The following DNAH8 variants were observed in gnomAD, a reference collection of about 807,000 sequenced individuals.
DNAH8 encodes dynein axonemal heavy chain 8.
DNAH8 carries 382 observed loss-of-function variants against 562.1 expected under a neutral mutation model. The ratio of observed to expected loss-of-function variants is 0.68; its 90% CI spans 0.63 to 0.74. The LOEUF is 0.74. Among genes scored for constraint, DNAH8 ranks in the 30% least tolerant of loss-of-function variants. The pLI, the probability that DNAH8 is intolerant of heterozygous loss-of-function variation, is 0.00. For synonymous variants in DNAH8, 1,881 were observed against 1,919.4 expected, an observed-to-expected ratio of 0.98 and a Z score of 0.52; for missense variants, 5,203 against 5,620.4, an observed-to-expected ratio of 0.93 and a Z score of 2.37.
chr6:38,778,514 A>T, intron 14 of DNAH8, 50 bp downstream of exon 14: 2 of 1,104,336 alleles, frequency 1.8e-6, no homozygotes, highest in Non-Finnish European at 2.7e-6. Flanking sequence ...ATAACTTTAA[A>T]TCTAAAAATA....
chr6:38,941,628 G>A lies in DNAH8; in HGVS notation c.12007+2640G>A, dbSNP rs1783467701. ...GAGTGTCAAGATGTATGAGGTTTTG[G>A]TCTTGGGGATGCTTAAGTAAAGTAA... On this transcript the variant is annotated intron_variant, in intron 79 of 92. Coordinates refer to ENST00000327475, the MANE Select transcript of DNAH8 (RefSeq NM_001206927.2). Among the ~76,000 whole-genome samples the A allele has an allele frequency of 2.6e-5, 4 of 152,272 alleles. No homozygotes were observed. In the South Asian group the frequency reaches 8.3e-4, roughly 32 times the overall value.
intron 18 of DNAH8, among the ~76,000 whole-genome samples, chr6:38,788,459 T>A (rs942094818): frequency 2.0e-5 from 3 of 152,170 alleles, no homozygotes; most frequent in African/African-American, 7.2e-5. Context: ...CTATTGTTTG[T>A]CATTTTTATG....
Position 39,012,361 on chromosome 6 carries a change from G to T in DNAH8, c.13518G>T (p.Met4506Ile). 6.2e-7 allele frequency: 1 copy of T among 1,612,122 alleles called. No individual in the cohort carries two copies. The highest frequency in any genetic ancestry group is 1.1e-5 in the South Asian group (1 of 90,896). Residue 4506 changes from methionine to isoleucine, a missense_variant, in exon 90 of 93, where the codon ATG (methionine) becomes ATT (isoleucine). By Grantham distance (10) the Met-to-Ile change is conservative. Coordinates refer to ENST00000327475, the MANE Select transcript of DNAH8 (RefSeq NM_001206927.2). ...TGGCCATTGAAGGAACAATCATTATGAGTGAGGTGAGCTGTTATTACATCA... is the reference window on the plus strand; with the variant it reads ...TGGCCATTGAAGGAACAATCATTATTAGTGAGGTGAGCTGTTATTACATCA... Reference protein sequence around the residue: ...LKLAIEGTIIMSENLRDALDN... With the variant: ...LKLAIEGTIIISENLRDALDN...
intron 7 of DNAH8, among the ~76,000 whole-genome samples, chr6:38,741,344 A>G (rs1764500782): frequency 1.3e-5 from 2 of 152,144 alleles, no homozygotes; most frequent in Admixed American, 1.3e-4. Flanking sequence ...TTAAGGCTGC[A>G]GTGCACTGTG....
At chr6:38,833,889 G>C (rs1437851494) in intron 31 of DNAH8, among the ~76,000 whole-genome samples, 2 of 152,102 alleles carry the variant, frequency 1.3e-5, no homozygotes, top group Non-Finnish European at 2.9e-5. Flanking sequence ...TATCATGATT[G>C]ACCATGTTAA....
intron 49 of DNAH8, among the ~76,000 whole-genome samples, chr6:38,872,078 G>A (rs1777511131): frequency 6.6e-6 from 1 of 152,148 alleles, no homozygotes; most frequent in South Asian, 2.1e-4. Context: ...CACTTGCACA[G>A]GAATCCTCAT....
At chr6:38,763,484 A>T in intron 11 of DNAH8, 1 of 262,746 alleles carries the variant, frequency 3.8e-6, no homozygotes, top group South Asian at 4.9e-5. Flanking sequence ...TTGATAATAC[A>T]CATAGCTGTG....
intron 11 of DNAH8, among the ~76,000 whole-genome samples, chr6:38,770,104 A>C (rs1474576244): frequency 3.3e-5 from 5 of 152,210 alleles, no homozygotes; most frequent in Non-Finnish European, 2.9e-5. Flanking sequence ...GCTGATTCTA[A>C]GATGGATGCG....
Position 38,780,008 on chromosome 6 carries a change from C to G in DNAH8, c.2082C>G (p.Asn694Lys). 2 of 1,614,038 alleles carry G rather than the reference C, an allele frequency of 1.2e-6. No individual in the cohort carries two copies. The highest frequency in any genetic ancestry group is 2.2e-5 in the South Asian group (2 of 91,072). Residue 694 changes from asparagine (N) to lysine (K), a missense_variant, in exon 15 of 93, where the codon AAC becomes AAG. Asn to Lys is a moderately conservative substitution (Grantham distance 94, BLOSUM62 0). Coordinates refer to ENST00000327475, the MANE Select transcript of DNAH8 (RefSeq NM_001206927.2). ...TTCCCTGTCTGGGATTAGAAATAAA[C>G]CACACAATAGAGCGTATTCTTCAGT... Reference protein sequence around the residue: ...LNIPCLGLEINHTIERILQYY... With the variant: ...LNIPCLGLEIKHTIERILQYY...
rs143104849 is a variant in DNAH8, at chr6:38,770,304, C to G, written c.1618-109C>G. 9.8e-4 allele frequency: 574 copies of G among 584,386 alleles called. 2 individuals carry two copies. The highest frequency in any genetic ancestry group is 9.3e-3 in the African/African-American group (483 of 52,184). 36.2% of individuals were successfully genotyped at this position (584,386 alleles called of 1,614,324 possible). On this transcript the variant is annotated intron_variant, in intron 11 of 92. Coordinates refer to ENST00000327475, the MANE Select transcript of DNAH8 (RefSeq NM_001206927.2). ...ATGGTATAAATAAAAAAAAACTATA[C>G]AGATTTTCACAGTTTGATCAGTTCT...
intron 91 of DNAH8, among the ~76,000 whole-genome samples, chr6:39,025,325 G>A (rs910385027): frequency 1.3e-5 from 2 of 152,204 alleles, no homozygotes; most frequent in Admixed American, 6.5e-5. Flanking sequence ...TTGTGTCAAT[G>A]TCCAGCCTCC....
Position 38,917,322 on chromosome 6 carries a change from G to C in DNAH8, c.10224G>C (p.Leu3408=). The change falls in exon 69 of 93, where the codon CTG becomes CTC. Residue 3408 remains leucine, a synonymous_variant. Transcript: ENST00000327475. ...HLIMRIMDCV[L]LLFQKKIDPV... is the part of the protein sequence containing the mutation. ...TTATGAGAATCATGGACTGTGTTCT[G>C]TTACTATTTCAAAAGAAAATTGACC... is the stretch of plus-strand genomic sequence containing the variant. 1 of 1,613,592 alleles carries C rather than the reference G, an allele frequency of 6.2e-7. No homozygotes were observed. Among genetic ancestry groups the C allele is most frequent in the South Asian group, 1.1e-5 (1 of 91,044 alleles).
chr6:38,725,975 T>A (rs1028863039), intron 3 of DNAH8, among the ~76,000 whole-genome samples: 9 of 152,230 alleles, frequency 5.9e-5, no homozygotes, highest in African/African-American at 2.2e-4. Flanking sequence ...TTTGGCTACA[T>A]GTCTTTCTAG....
At chr6:38,946,238 A>G (rs1317787041) in intron 80 of DNAH8, among the ~76,000 whole-genome samples, 2 of 152,142 alleles carry the variant, frequency 1.3e-5, no homozygotes, top group Non-Finnish European at 2.9e-5. Flanking sequence ...TCTCTTTTCT[A>G]TGGCTGCTAG....
chr6:39,011,056 C>T (rs917399061), intron 89 of DNAH8, among the ~76,000 whole-genome samples: 1 of 152,066 alleles, frequency 6.6e-6, no homozygotes. Context: ...GTTTGCTCCA[C>T]CCGCATAGGT....
chr6:39,000,143 G>A (rs185655049), intron 88 of DNAH8, among the ~76,000 whole-genome samples: 1 of 152,198 alleles, frequency 6.6e-6, no homozygotes, highest in Admixed American at 6.5e-5. Context: ...CTTACTGTCT[G>A]GCTAACCTGG....
chr6:38,776,086 A>G (rs896346052), intron 13 of DNAH8, 135 bp downstream of exon 13: 4 of 645,556 alleles, frequency 6.2e-6, no homozygotes, highest in Non-Finnish European at 8.1e-6. Context: ...ACATTGACCA[A>G]ACATATTTGC....
intron 88 of DNAH8, among the ~76,000 whole-genome samples, chr6:39,005,428 G>A (rs372387814): frequency 2.4e-4 from 36 of 152,152 alleles, no homozygotes; most frequent in African/African-American, 7.9e-4. Context: ...ACAAAACAAA[G>A]TGACTGCACC....
At chr6:38,965,302 G>A (rs1762899521) in intron 82 of DNAH8, among the ~76,000 whole-genome samples, 1 of 151,938 alleles carries the variant, frequency 6.6e-6, no homozygotes, top group South Asian at 2.1e-4. Flanking sequence ...ACTATAAATA[G>A]CCTCACATCT....
Sources: gnomAD v4.1 joint callset for allele counts (sites outside exome capture counted in the v4.1 genomes callset) on GRCh38, gnomAD v4.1.1 for gene constraint, MANE v1.5 for transcripts, NCBI Gene and HGNC (gene_info 2026-07-23, HGNC 2026-07-21) for gene names.